The following SLCO2A1 variants were observed in gnomAD, a reference collection of about 807,000 sequenced individuals.
SLCO2A1 encodes solute carrier organic anion transporter family member 2A1.
Under a neutral mutation model 71.7 loss-of-function variants are expected in SLCO2A1, and 60 were observed. The ratio of observed to expected loss-of-function variants is 0.84; its 90% CI spans 0.68 to 1.04. SLCO2A1 has a LOEUF of 1.04. SLCO2A1 is among the 50% of genes least tolerant of loss of function. SLCO2A1 has a pLI of 0.00. For synonymous variants in SLCO2A1, 308 were observed against 326.7 expected, an observed-to-expected ratio of 0.94 and a Z score of 0.62; for missense variants, 745 against 813.4, an observed-to-expected ratio of 0.92 and a Z score of 1.02.
At chr3:133,937,557 T>A (rs1380698026) in intron 12 of SLCO2A1, among the ~76,000 whole-genome samples, 1 of 152,192 alleles carries the variant, frequency 6.6e-6, no homozygotes, top group African/African-American at 2.4e-5. Flanking sequence ...GGTGTTGACC[T>A]GGCCCCTGGG....
intron 3 of SLCO2A1, among the ~76,000 whole-genome samples, chr3:133,971,147 T>A (rs1464655723): frequency 2.6e-5 from 4 of 152,220 alleles, no homozygotes; most frequent in Non-Finnish European, 5.9e-5. Flanking sequence ...CTGGCCACAG[T>A]GCCCCAGGCT....
At position 133,951,248 on chromosome 3, in the gene SLCO2A1, G is replaced by A. The variant is rs755749152; in HGVS notation, c.821C>T (p.Pro274Leu). 6.2e-7 allele frequency: 1 copy of A among 1,613,950 alleles called. No homozygotes were observed. The highest frequency in any genetic ancestry group is 1.3e-5 in the African/African-American group (1 of 74,950). Residue 274 changes from proline to leucine, a missense_variant, in exon 6 of 14, where the codon CCC (proline) becomes CTC (leucine). By Grantham distance (98) the Pro-to-Leu change is moderately conservative. Transcript: ENST00000310926. ...SSALLVLTSF[P>L]FFFFPRAMPI... Reference sequence around the variant, plus strand: ...CATTGCTCGAGGGAAGAAAAAAAAGGGGAAAGAGGTGAGAACCAATAAAGC... The same window carrying A: ...CATTGCTCGAGGGAAGAAAAAAAAGAGGAAAGAGGTGAGAACCAATAAAGC...
rs143615578 is a variant in SLCO2A1 at position 134,001,909 on chromosome 3, C to T, written c.97-22291G>A. 9.2e-5 allele frequency among the ~76,000 whole-genome samples: 14 copies of T among 152,228 alleles called. No homozygotes were observed. The East Asian group carries it at 1.4e-3, about 15-fold the overall frequency. On this transcript the variant is annotated intron_variant, in intron 1 of 13. Transcript: ENST00000310926. ...ACCGCCATGACCCCAGGGAACAAGG[C>T]GAGTAGACCACAGCGATCGCCACCC... is the stretch of plus-strand genomic sequence containing the variant.
At chr3:133,958,749 A>G (rs1335744976) in intron 3 of SLCO2A1, among the ~76,000 whole-genome samples, 1 of 152,240 alleles carries the variant, frequency 6.6e-6, no homozygotes, top group African/African-American at 2.4e-5. Flanking sequence ...ATCCATAAAT[A>G]AAAGGGCTGC....
chr3:133,997,034 T>C (rs6768704), intron 1 of SLCO2A1, among the ~76,000 whole-genome samples: 128,491 of 152,076 alleles, frequency 0.84, 58,144 homozygotes, highest in Non-Finnish European at 0.99. Flanking sequence ...CATAAGAGGG[T>C]CACATAACCG....
chr3:133,996,433 C>A (rs1163075710), intron 1 of SLCO2A1, among the ~76,000 whole-genome samples: 1 of 152,350 alleles, frequency 6.6e-6, no homozygotes, highest in East Asian at 1.9e-4. Flanking sequence ...TGCATGGACG[C>A]CTGTCGGCTC....
At chr3:133,984,774 T>G (rs1308009214) in intron 1 of SLCO2A1, among the ~76,000 whole-genome samples, 1 of 152,194 alleles carries the variant, frequency 6.6e-6, no homozygotes, top group Non-Finnish European at 1.5e-5. Context: ...TCCCCATTAT[T>G]TAGGCAATAT....
intron 1 of SLCO2A1, among the ~76,000 whole-genome samples, chr3:134,001,524 T>G (rs1935103350): frequency 6.6e-6 from 1 of 152,194 alleles, no homozygotes; most frequent in Non-Finnish European, 1.5e-5. Flanking sequence ...CTTTGACTTT[T>G]CCCTGTGTCT....
At chr3:133,945,791 C>CAT (rs1263552122) in intron 9 of SLCO2A1, among the ~76,000 whole-genome samples, 1 of 152,212 alleles carries the variant, frequency 6.6e-6, no homozygotes, top group Admixed American at 6.5e-5. Flanking sequence ...ATCTGATATT[C>CAT]ATGACCTTCT....
intron 1 of SLCO2A1, among the ~76,000 whole-genome samples, chr3:133,994,339 T>C (rs1934915825): frequency 6.6e-6 from 1 of 152,198 alleles, no homozygotes; most frequent in Admixed American, 6.5e-5. Flanking sequence ...ATCCATCACC[T>C]TGCTCCACCA....
intron 1 of SLCO2A1, among the ~76,000 whole-genome samples, chr3:134,010,059 G>A (rs1224304692): frequency 6.6e-6 from 1 of 152,154 alleles, no homozygotes; most frequent in African/African-American, 2.4e-5. Flanking sequence ...GTACATAATG[G>A]GTGCTCCCAG....
intron 1 of SLCO2A1, among the ~76,000 whole-genome samples, chr3:134,010,247 T>C (rs1315946128): frequency 6.6e-6 from 1 of 152,204 alleles, no homozygotes; most frequent in East Asian, 1.9e-4. Context: ...TTCACACTGC[T>C]ATAAAGATAC....
At chr3:133,989,469 AC>A (rs1934790634) in intron 1 of SLCO2A1, among the ~76,000 whole-genome samples, 1 of 151,480 alleles carries the variant, frequency 6.6e-6, no homozygotes, top group South Asian at 2.1e-4. Context: ...CACACTGACA[AC>A]CCCCCTGGAT....
chr3:133,960,228 G>A (rs1934005848), intron 3 of SLCO2A1, among the ~76,000 whole-genome samples: 1 of 152,172 alleles, frequency 6.6e-6, no homozygotes, highest in South Asian at 2.1e-4. Flanking sequence ...AAAATTGAAA[G>A]CAAGGACTTA....
intron 6 of SLCO2A1, 114 bp downstream of exon 6, chr3:133,951,094 A>T (rs1265116840): frequency 7.0e-7 from 1 of 1,424,600 alleles, no homozygotes; most frequent in African/African-American, 1.4e-5. Flanking sequence ...ATTTGTTTAG[A>T]TTTCACCCTG....
chr3:133,995,005 T>C (rs1414597004), intron 1 of SLCO2A1, among the ~76,000 whole-genome samples: 2 of 152,152 alleles, frequency 1.3e-5, no homozygotes, highest in Admixed American at 6.5e-5. Flanking sequence ...TTTACTGATA[T>C]ATAACACTCA....
At position 133,934,390 on chromosome 3, in the gene SLCO2A1, G is replaced by C; in HGVS notation, c.*323C>G. 4.7e-6 allele frequency: 1 copy of C among 210,764 alleles called. No individual in the cohort carries two copies. The allele number at this position is 210,764 out of a possible 1,614,324, so 13.1% of individuals were successfully genotyped here. A position where few individuals can be genotyped will look rare whatever the true frequency, so the allele number is the denominator to read the frequency against. ...CTGTTTAGGATTCCCCCCAGGGCTG[G>C]TGAGGGGCCTGGCTGCCTCAGTGGG... On this transcript the variant is annotated 3_prime_UTR_variant, in exon 14 of 14. Transcript: ENST00000310926.
intron 4 of SLCO2A1, among the ~76,000 whole-genome samples, chr3:133,954,674 A>G (rs1162737774): frequency 6.6e-6 from 1 of 152,294 alleles, no homozygotes; most frequent in Middle Eastern, 3.4e-3. Flanking sequence ...CTAAGTGGTT[A>G]CATATGCCAT....
chr3:133,947,173 G>T, intron 9 of SLCO2A1, 83 bp downstream of exon 9: 2 of 1,196,624 alleles, frequency 1.7e-6, no homozygotes, highest in South Asian at 1.5e-5. Flanking sequence ...TAGAGTTAAG[G>T]AAGCAGGAAG....
Sources: allele counts gnomAD v4.1 joint callset (sites outside exome capture counted in the v4.1 genomes callset), GRCh38; gene constraint gnomAD v4.1.1; transcripts MANE v1.5; gene names NCBI Gene and HGNC (gene_info 2026-07-23, HGNC 2026-07-21).